ATP2B2: variants seen among roughly 807,000 people sequenced by gnomAD.
The protein encoded by ATP2B2 is ATPase plasma membrane Ca2+ transporting 2.
A neutral mutation model predicts 120.0 loss-of-function variants in ATP2B2; 15 were observed. That is an observed-to-expected ratio of 0.12 (90% CI 0.08 to 0.19). The LOEUF (loss-of-function observed/expected upper bound fraction) is 0.19, where lower values mean the gene tolerates loss of function less well. ATP2B2 is among the 10% of genes least tolerant of loss of function. The probability of loss-of-function intolerance (pLI) is 1.00; values close to 1 mark genes in which losing one functional copy is unlikely to be tolerated. For missense variants in ATP2B2, 1,045 were observed against 1,719.8 expected, an observed-to-expected ratio of 0.61 and a Z score of 6.94; for synonymous variants, 694 against 700.3, an observed-to-expected ratio of 0.99 and a Z score of 0.14.
In ATP2B2 at chr3:10,346,171, C is replaced by T; in HGVS notation, c.2405-34G>A. 19 of 1,601,994 alleles carry T rather than the reference C, an allele frequency of 1.2e-5. No individual in the cohort carries two copies. Among genetic ancestry groups the T allele is most frequent in the Non-Finnish European group, 1.5e-5 (18 of 1,176,664 alleles). ...GCAGGAGTGTGCTCAGGCCCTGGGC[C>T]ACTCAGGTGGGAGGCAGCCTGGGCC... is the stretch of plus-strand genomic sequence containing the variant. On this transcript the variant is annotated intron_variant, in intron 16 of 22. Coordinates refer to ENST00000360273, the MANE Select transcript of ATP2B2 (RefSeq NM_001001331.4). The surrounding 1 kb of genome is among the most constrained non-coding windows in gnomAD (Gnocchi z 4.1).
chr3:10,630,803 C>A (rs1207974058), intron 1 of ATP2B2, among the ~76,000 whole-genome samples: 1 of 149,944 alleles, frequency 6.7e-6, no homozygotes, highest in African/African-American at 2.5e-5. Flanking sequence ...GTGCTATTAG[C>A]CCAATTTGGC....
In ATP2B2 at chr3:10,629,732, C is replaced by T. The variant is rs4684733; in HGVS notation, c.-459-9771G>A. Reference sequence around the variant, plus strand: ...GCGCTCATTCTAAAAGCTGTTTTCACACCAAATCTCCGCAAGCCCTCTTTA... The same window carrying T: ...GCGCTCATTCTAAAAGCTGTTTTCATACCAAATCTCCGCAAGCCCTCTTTA... On this transcript the variant is annotated intron_variant, in intron 1 of 21. Transcript: ENST00000646379. Among the ~76,000 whole-genome samples, 308 of 152,360 alleles carry T rather than the reference C, an allele frequency of 2.0e-3. 1 individual carries two copies. Among genetic ancestry groups the T allele is most frequent in the East Asian group, 4.2e-3 (22 of 5,190 alleles).
intron 1 of ATP2B2, among the ~76,000 whole-genome samples, chr3:10,496,447 G>A (rs1190997379): frequency 6.6e-6 from 1 of 152,242 alleles, no homozygotes; most frequent in East Asian, 1.9e-4. Flanking sequence ...TATGGGGTAT[G>A]AAAGGCCAGC....
chr3:10,514,680 A>T (rs2125443939), intron 3 of ATP2B2, among the ~76,000 whole-genome samples: 1 of 152,326 alleles, frequency 6.6e-6, no homozygotes, highest in South Asian at 2.1e-4. Context: ...CCCCATAAGG[A>T]ACCCCCCTTA....
intron 1 of ATP2B2, among the ~76,000 whole-genome samples, chr3:10,681,308 G>C (rs2071377182): frequency 6.6e-6 from 1 of 152,222 alleles, no homozygotes; most frequent in African/African-American, 2.4e-5. Context: ...GGGTGGTGGA[G>C]GCCTGGCCCC....
At chr3:10,691,003 T>C (rs1464055618) in intron 1 of ATP2B2, among the ~76,000 whole-genome samples, 1 of 152,240 alleles carries the variant, frequency 6.6e-6, no homozygotes, top group African/African-American at 2.4e-5. Flanking sequence ...CTTTATTGAA[T>C]TGCTTATCTG....
At chr3:10,351,802 G>A (rs1421065970) in intron 14 of ATP2B2, among the ~76,000 whole-genome samples, 4 of 152,304 alleles carry the variant, frequency 2.6e-5, no homozygotes, top group Admixed American at 2.0e-4. Context: ...TGCAGAAATC[G>A]GGGTGCTGCT....
At chr3:10,376,984 A>G (rs556914183) in intron 10 of ATP2B2, among the ~76,000 whole-genome samples, 1 of 152,250 alleles carries the variant, frequency 6.6e-6, no homozygotes, top group South Asian at 2.1e-4. Context: ...CTCACCTGAG[A>G]GCACCCTGTC....
Position 10,359,927 on chromosome 3 carries a change from C to T in ATP2B2, c.1856G>A (p.Ser619Asn), listed in dbSNP as rs1274732075. The change falls in exon 13 of 23, where the codon AGC becomes AAC. Residue 619 changes from serine to asparagine, a missense_variant. Physicochemically the swap from Ser to Asn is conservative, Grantham distance 46. Transcript: ENST00000360273. ...MSTVIKLPDE[S>N]FRMYSKGASE... Reference sequence around the variant, plus strand: ...AGCCCCCTTGCTGTACATGCGGAAGCTCTCGTCGGGCAGCTTGATGACAGT... The same window carrying T: ...AGCCCCCTTGCTGTACATGCGGAAGTTCTCGTCGGGCAGCTTGATGACAGT... The T allele has an allele frequency of 2.5e-6, 4 of 1,614,116 alleles. No individual in the cohort carries two copies. The highest frequency in any genetic ancestry group is 3.4e-6 in the Non-Finnish European group (4 of 1,180,048).
intron 1 of ATP2B2, among the ~76,000 whole-genome samples, chr3:10,684,312 C>A (rs921707358): frequency 6.6e-6 from 1 of 152,220 alleles, no homozygotes; most frequent in Admixed American, 6.5e-5. Flanking sequence ...CAACTGGTGA[C>A]CACCTGGAAT....
At chr3:10,479,955 C>T (rs1320968622) in intron 1 of ATP2B2, among the ~76,000 whole-genome samples, 5 of 152,026 alleles carry the variant, frequency 3.3e-5, no homozygotes, top group Admixed American at 6.6e-5. Flanking sequence ...ATTAGCCAGG[C>T]GTGGTGGTGC....
chr3:10,426,985 C>T (rs2063166167), intron 2 of ATP2B2, among the ~76,000 whole-genome samples: 2 of 152,150 alleles, frequency 1.3e-5, no homozygotes, highest in African/African-American at 4.8e-5. Flanking sequence ...GCATTCACAT[C>T]TGTGATTGCA....
intron 1 of ATP2B2, among the ~76,000 whole-genome samples, chr3:10,497,071 G>A (rs2066182527): frequency 6.6e-6 from 1 of 152,224 alleles, no homozygotes; most frequent in African/African-American, 2.4e-5. Flanking sequence ...GGGCAGCTGT[G>A]GGCAGGGTGG....
chr3:10,354,773 A>G (rs1269591380), intron 14 of ATP2B2, among the ~76,000 whole-genome samples: 6 of 152,214 alleles, frequency 3.9e-5, no homozygotes, highest in Non-Finnish European at 1.5e-5. Context: ...GTTTTCTTGC[A>G]GTTGCAAAAT....
chr3:10,514,854 C>T (rs891605276), intron 3 of ATP2B2, among the ~76,000 whole-genome samples: 1 of 152,218 alleles, frequency 6.6e-6, no homozygotes, highest in African/African-American at 2.4e-5. Context: ...CCACCTCTCT[C>T]ACTGCACATC....
intron 3 of ATP2B2, among the ~76,000 whole-genome samples, chr3:10,529,060 G>C (rs2067157602): frequency 6.6e-6 from 1 of 152,228 alleles, no homozygotes; most frequent in Non-Finnish European, 1.5e-5. Context: ...CGGGGGTGAT[G>C]GGCTCATGTC....
Position 10,449,790 on chromosome 3 carries a change from C to T in ATP2B2, c.-247G>A, listed in dbSNP as rs181073157. On this transcript the variant is annotated 5_prime_UTR_variant, in exon 2 of 23. Transcript: ENST00000360273. ...GCCGGAGGGGCTCAGGGCTGTAGAC[C>T]CAGGAGTCTCCATTCAGTGGGGCCC... The T allele has an allele frequency of 5.2e-5, 29 of 561,780 alleles. No individual in the cohort carries two copies. The highest frequency in any genetic ancestry group is 2.5e-4 in the East Asian group (8 of 31,930). The allele number at this position is 561,780 out of a possible 1,614,324, so 34.8% of individuals were successfully genotyped here.
At chr3:10,551,171 C>T (rs1280761528) in intron 2 of ATP2B2, among the ~76,000 whole-genome samples, 2 of 152,216 alleles carry the variant, frequency 1.3e-5, no homozygotes, top group East Asian at 1.9e-4. Context: ...TTTCTACTGC[C>T]CCCTTCTCCC....
At chr3:10,464,759 T>G (rs1246571085) in intron 1 of ATP2B2, among the ~76,000 whole-genome samples, 1 of 152,232 alleles carries the variant, frequency 6.6e-6, no homozygotes, top group Non-Finnish European at 1.5e-5. Flanking sequence ...TGTGAGTTAA[T>G]GCAGGGCACA....
Sources: allele counts gnomAD v4.1 joint callset (sites outside exome capture counted in the v4.1 genomes callset), GRCh38; gene constraint gnomAD v4.1.1; non-coding constraint Gnocchi (gnomAD v3.1); transcripts MANE v1.5; gene names NCBI Gene and HGNC (gene_info 2026-07-23, HGNC 2026-07-21).